Variants in NRP2 observed in about 807,000 individuals in gnomAD.
The protein encoded by NRP2 is neuropilin 2, also known as neuropilin-2.
A neutral mutation model predicts 110.4 loss-of-function variants in NRP2; 52 were observed. The observed-to-expected ratio is 0.47, with a 90% CI of 0.38 to 0.59. NRP2 has a LOEUF of 0.59. NRP2 is among the 20% of genes least tolerant of loss of function. The pLI is 0.00. For synonymous variants in NRP2, 508 were observed against 468.9 expected (o/e 1.08, Z -1.08); for missense variants, 1,049 against 1,203.0 (o/e 0.87, Z 1.89).
chr2:205,777,291 C>T (rs956267354), intron 15 of NRP2: 1 of 270,752 alleles, frequency 3.7e-6, no homozygotes, highest in Admixed American at 6.5e-5. Flanking sequence ...TCCCCTAGCA[C>T]ACTCAAACAA....
At chr2:205,783,425 T>A (rs1368824282) in intron 15 of NRP2, among the ~76,000 whole-genome samples, 10 of 152,192 alleles carry the variant, frequency 6.6e-5, no homozygotes, top group East Asian at 1.9e-4. Context: ...TACTAAAAAA[T>A]TTATGTAAAA....
In NRP2 at chr2:205,765,563, C is replaced by T. The variant is rs1001028085; in HGVS notation, c.2397C>T (p.Asn799=). 1.9e-6 allele frequency: 3 copies of T among 1,611,756 alleles called. No homozygotes were observed. The highest frequency in any genetic ancestry group is 1.7e-5 in the Admixed American group (1 of 60,002). ...TAAGCACTGATGTCCCACTGGAGAA[C>T]TGCATGGGTATGTGAATATCTGTCT... ...IRISTDVPLE[N]CMEPISAFAV... is the part of the protein sequence containing the mutation. The change falls in exon 14 of 17, where the codon AAC becomes AAT. Residue 799 remains asparagine, a synonymous_variant. Coordinates refer to ENST00000357785, the MANE Select transcript of NRP2 (RefSeq NM_003872.3).
Position 205,795,260 on chromosome 2 carries a change from C to G in NRP2, c.*202C>G. 1.6e-6 allele frequency: 1 copy of G among 612,350 alleles called. No individual in the cohort carries two copies. The highest frequency in any genetic ancestry group is 2.9e-6 in the Non-Finnish European group (1 of 341,600). The allele number at this position is 612,350 out of a possible 1,614,324, so 37.9% of individuals were successfully genotyped here. On this transcript the variant is annotated 3_prime_UTR_variant, in exon 17 of 17. Coordinates refer to ENST00000357785, the MANE Select transcript of NRP2 (RefSeq NM_003872.3). ...CAGGGGATGATTACCCTCCTAGGACCGCGGTGGCTAAGTCATTGCAGGAAC... is the reference window on the plus strand; with the variant it reads ...CAGGGGATGATTACCCTCCTAGGACGGCGGTGGCTAAGTCATTGCAGGAAC...
rs187477928 is a variant in NRP2, at chr2:205,691,419, G to C, written c.74-6125G>C. Among the ~76,000 whole-genome samples the C allele has an allele frequency of 3.3e-5, 5 of 152,294 alleles. No homozygotes were observed. The East Asian group carries it at 9.6e-4, about 29-fold the overall frequency. ...GAGTAGAGAAATGGATGCTGGGTTG[G>C]TTTGGGGAACACTCAGAAGCTGCAG... On this transcript the variant is annotated intron_variant, in intron 1 of 16. Coordinates refer to ENST00000357785, the MANE Select transcript of NRP2 (RefSeq NM_003872.3).
Position 205,795,180 on chromosome 2 carries a change from A to T in NRP2, c.*122A>T. The T allele has an allele frequency of 3.0e-6, 3 of 1,016,660 alleles. No individual in the cohort carries two copies. The highest frequency in any genetic ancestry group is 4.5e-6 in the Non-Finnish European group (3 of 671,550). The allele number at this position is 1,016,660 out of a possible 1,614,324, so 63.0% of individuals were successfully genotyped here. On this transcript the variant is annotated 3_prime_UTR_variant, in exon 17 of 17. Coordinates refer to ENST00000357785, the MANE Select transcript of NRP2 (RefSeq NM_003872.3). ...TCGATCAAACCGATCCAGAATACCGAAGGTATGGACAGGACAGAAAAGCGA... is the reference window on the plus strand; with the variant it reads ...TCGATCAAACCGATCCAGAATACCGTAGGTATGGACAGGACAGAAAAGCGA...
At chr2:205,723,086 G>A (rs957104267) in intron 4 of NRP2, among the ~76,000 whole-genome samples, 1 of 152,196 alleles carries the variant, frequency 6.6e-6, no homozygotes, top group Non-Finnish European at 1.5e-5. Flanking sequence ...CTACTCCCCA[G>A]CTGTGCAACC....
chr2:205,781,085 G>C lies in NRP2; in HGVS notation c.2426-11150G>C, dbSNP rs796676637. ...AGTCAACATTTCCTTGAGCTGACCT[G>C]GGACCAAACTTGCCGGACTGAACTA... On this transcript the variant is annotated intron_variant, in intron 15 of 16. Transcript: ENST00000357785. 3.9e-5 allele frequency among the ~76,000 whole-genome samples: 6 copies of C among 152,348 alleles called. 1 individual carries two copies. Among genetic ancestry groups the C allele is most frequent in the African/African-American group, 1.4e-4 (6 of 41,574 alleles).
At position 205,763,034 on chromosome 2, in the gene NRP2, A is replaced by G. The variant is rs904884331; in HGVS notation, c.2045-640A>G. Among the ~76,000 whole-genome samples the G allele has an allele frequency of 2.0e-5, 3 of 152,192 alleles. No homozygotes were observed. Among genetic ancestry groups the G allele is most frequent in the African/African-American group, 7.2e-5 (3 of 41,442 alleles). ...AAAGGCCAAGTTCAAGCCTCCCTGA[A>G]TCATCCCTTTCAGCTCCCACCCTCT... On this transcript the variant is annotated intron_variant, in intron 12 of 16. Transcript: ENST00000357785. This position sits in a 1 kb window ranked among gnomAD's most constrained non-coding sequence, Gnocchi z 4.0.
At chr2:205,685,413 C>T (rs3771056) in intron 1 of NRP2, among the ~76,000 whole-genome samples, 132,375 of 151,786 alleles carry the variant, frequency 0.87, 58,306 homozygotes, top group East Asian at 0.95. Flanking sequence ...GAGGCCAAGC[C>T]ACATACCTCT....
intron 5 of NRP2, among the ~76,000 whole-genome samples, chr2:205,724,654 CTTTTTTTT>C (rs35094496): frequency 1.2e-5 from 1 of 80,348 alleles, no homozygotes; most frequent in Non-Finnish European, 2.3e-5. Flanking sequence ...CAAACGATAA[CTTTTTTTT>C]TTTTTTTTTT....
chr2:205,700,938 A>G (rs2056541297), intron 2 of NRP2: 1 of 329,958 alleles, frequency 3.0e-6, no homozygotes, highest in Admixed American at 4.1e-5. Context: ...CAAAAGGGCG[A>G]GACTACGGGC....
rs572126186 is a variant in NRP2 at position 205,745,900 on chromosome 2, C to T, written c.1786+10C>T. The T allele has an allele frequency of 6.2e-7, 1 of 1,614,062 alleles. No homozygotes were observed. Among genetic ancestry groups the T allele is most frequent in the South Asian group, 1.1e-5 (1 of 91,088 alleles). On this transcript the variant is annotated intron_variant, in intron 10 of 16. Transcript: ENST00000357785. ...GGCTGTGACTGGACAGGTAAGATGACATTTCCTCCTCTTTGCATCTCACCC... is the reference window on the plus strand; with the variant it reads ...GGCTGTGACTGGACAGGTAAGATGATATTTCCTCCTCTTTGCATCTCACCC...
Position 205,725,645 on chromosome 2 carries a change from T to C in NRP2, c.821-268T>C, listed in dbSNP as rs1437847299. Among the ~76,000 whole-genome samples, 1 of 152,252 alleles carries C rather than the reference T, an allele frequency of 6.6e-6. No homozygotes were observed. The highest frequency in any genetic ancestry group is 1.5e-5 in the Non-Finnish European group (1 of 68,044). On this transcript the variant is annotated intron_variant, in intron 5 of 16. Coordinates refer to ENST00000357785, the MANE Select transcript of NRP2 (RefSeq NM_003872.3). The surrounding 1 kb of genome is among the most constrained non-coding windows in gnomAD (Gnocchi z 4.1). ...TGCAGCAATAACAGTTCTTGTGCTT[T>C]AGATTGTATTTTTAATCTGTATGAT...
chr2:205,698,379 C>G (rs2056482097), intron 2 of NRP2, among the ~76,000 whole-genome samples: 1 of 152,098 alleles, frequency 6.6e-6, no homozygotes, highest in African/African-American at 2.4e-5. Context: ...ACAGTGGGCC[C>G]TGGGAAGTTA....
chr2:205,790,712 C>G (rs2058291542), intron 15 of NRP2, among the ~76,000 whole-genome samples: 1 of 151,606 alleles, frequency 6.6e-6, no homozygotes, highest in African/African-American at 2.4e-5. Context: ...CGATTTGATC[C>G]CTGTGACAAA....
At chr2:205,747,793 G>A (rs545691342) in intron 10 of NRP2, among the ~76,000 whole-genome samples, 2 of 152,188 alleles carry the variant, frequency 1.3e-5, no homozygotes, top group East Asian at 3.9e-4. Flanking sequence ...TGGCCAGTGG[G>A]ACAGTTGCTA....
At chr2:205,717,523 C>T (rs1377549846) in intron 3 of NRP2, among the ~76,000 whole-genome samples, 1 of 152,178 alleles carries the variant, frequency 6.6e-6, no homozygotes, top group Non-Finnish European at 1.5e-5. Context: ...AGAACAAGAA[C>T]GTGGAATCAA....
Position 205,716,205 on chromosome 2 carries a change from C to T in NRP2, c.264C>T (p.Ile88=). The stretch of plus-strand genomic sequence containing the variant: ...CATCCCCACCCAGGTATGACTTTAT[C>T]GAGATTCGGGATGGGGACAGTGAAT... ...IEKHDCKYDF[I]EIRDGDSESA... Residue 88 remains isoleucine (I), a synonymous_variant, in exon 3 of 17, where the codon ATC becomes ATT. Coordinates refer to ENST00000357785, the MANE Select transcript of NRP2 (RefSeq NM_003872.3). The T allele has an allele frequency of 6.2e-7, 1 of 1,614,148 alleles. No homozygotes were observed. The highest frequency in any genetic ancestry group is 8.5e-7 in the Non-Finnish European group (1 of 1,180,030).
intron 9 of NRP2, among the ~76,000 whole-genome samples, chr2:205,745,543 A>G (rs568090866): frequency 6.6e-6 from 1 of 152,334 alleles, no homozygotes; most frequent in Non-Finnish European, 1.5e-5. Flanking sequence ...TTCTGGGTCC[A>G]TAACCACCTT....
Sources: gnomAD v4.1 joint callset for allele counts (sites outside exome capture counted in the v4.1 genomes callset) on GRCh38, gnomAD v4.1.1 for gene constraint, Gnocchi (gnomAD v3.1) non-coding constraint, MANE v1.5 for transcripts, NCBI Gene and HGNC (gene_info 2026-07-23, HGNC 2026-07-21) for gene names.